The following CNOT4 variants were observed in gnomAD, a reference collection of about 807,000 sequenced individuals.
CNOT4 encodes the protein CCR4-NOT transcription complex subunit 4.
CNOT4 carries 8 observed loss-of-function variants against 73.8 expected under a neutral mutation model. That is an observed-to-expected ratio of 0.11 (90% CI 0.06 to 0.20). The LOEUF (loss-of-function observed/expected upper bound fraction) is 0.20. CNOT4 is among the 10% of genes least tolerant of loss of function. The pLI is 1.00. For missense variants in CNOT4, 564 were observed against 883.4 expected (o/e 0.64, Z 4.58); for synonymous variants, 293 against 321.1 (o/e 0.91, Z 0.94).
chr7:135,379,398 C>T (rs1795710064), intron 10 of CNOT4, among the ~76,000 whole-genome samples: 1 of 152,110 alleles, frequency 6.6e-6, no homozygotes, highest in African/African-American at 2.4e-5. Flanking sequence ...AGATATGTTA[C>T]ACTTGTCTGG....
At chr7:135,464,267 C>T (rs1186061845) in intron 1 of CNOT4, among the ~76,000 whole-genome samples, 1 of 152,110 alleles carries the variant, frequency 6.6e-6, no homozygotes, top group Admixed American at 6.5e-5. Flanking sequence ...TTCACAACAG[C>T]AAACACGTGG....
At chr7:135,414,295 TAAAAAA>T (rs567428044) in intron 5 of CNOT4, 30 bp downstream of exon 5, 1 of 568,226 alleles carries the variant, frequency 1.8e-6, no homozygotes, top group East Asian at 3.6e-5. Flanking sequence ...TCGTCTTCCT[TAAAAAA>T]AAAAAAAAGA....
intron 9 of CNOT4, 43 bp downstream of exon 9, chr7:135,395,591 G>A (rs776746960): frequency 2.0e-5 from 31 of 1,578,034 alleles, no homozygotes; most frequent in Admixed American, 8.8e-5. Flanking sequence ...TCAACAATAC[G>A]TTAAGAGCAT....
At chr7:135,375,943 G>C (rs1252341078) in intron 10 of CNOT4, among the ~76,000 whole-genome samples, 1 of 150,332 alleles carries the variant, frequency 6.7e-6, no homozygotes. Context: ...ATACAAAAGG[G>C]GTGTGTGTGT....
At chr7:135,376,124 AC>A (rs1356146561) in intron 10 of CNOT4, among the ~76,000 whole-genome samples, 1 of 152,200 alleles carries the variant, frequency 6.6e-6, no homozygotes, top group African/African-American at 2.4e-5. Flanking sequence ...CCAGAAAAGA[AC>A]CAAAAAATGA....
chr7:135,482,806 C>A (rs974254216), intron 1 of CNOT4, among the ~76,000 whole-genome samples: 2 of 151,524 alleles, frequency 1.3e-5, no homozygotes, highest in African/African-American at 4.8e-5. Context: ...CGTGGTGAAA[C>A]CCTGTCTCTA....
chr7:135,456,954 T>G (rs2129486140), intron 1 of CNOT4, among the ~76,000 whole-genome samples: 1 of 152,180 alleles, frequency 6.6e-6, no homozygotes, highest in Non-Finnish European at 1.5e-5. Context: ...TGATAAGATT[T>G]TGTACATAGA....
At chr7:135,375,959 T>C (rs777227526) in intron 10 of CNOT4, among the ~76,000 whole-genome samples, 3 of 151,346 alleles carry the variant, frequency 2.0e-5, no homozygotes, top group African/African-American at 4.9e-5. Flanking sequence ...TGTGTGTGTG[T>C]ATGTGTGTAC....
chr7:135,431,758 A>G (rs200974530), intron 2 of CNOT4, among the ~76,000 whole-genome samples: 1 of 118 alleles, frequency 8.5e-3, no homozygotes, highest in East Asian at 0.12. Context: ...AAAAAAAGAA[A>G]CATATCATGG....
intron 10 of CNOT4, among the ~76,000 whole-genome samples, chr7:135,389,687 GA>G (rs200091011): frequency 2.7e-5 from 4 of 150,496 alleles, no homozygotes; most frequent in African/African-American, 7.3e-5. Flanking sequence ...ACAAAAACAT[GA>G]AAAAAAAATC....
intron 10 of CNOT4, among the ~76,000 whole-genome samples, chr7:135,376,997 T>C (rs970458028): frequency 1.3e-5 from 2 of 152,222 alleles, no homozygotes; most frequent in African/African-American, 2.4e-5. Flanking sequence ...TGGAGATGGA[T>C]ATAGTTATGG....
At chr7:135,453,411 T>C (rs1800296988) in intron 1 of CNOT4, among the ~76,000 whole-genome samples, 1 of 152,102 alleles carries the variant, frequency 6.6e-6, no homozygotes, top group Admixed American at 6.6e-5. Flanking sequence ...CTACTAATCT[T>C]ATGCTCCTTG....
At chr7:135,426,856 G>C (rs980642784) in intron 2 of CNOT4, among the ~76,000 whole-genome samples, 5 of 151,352 alleles carry the variant, frequency 3.3e-5, no homozygotes, top group African/African-American at 4.9e-5. Flanking sequence ...CCGGGAGATG[G>C]AGGTTGCAGT....
At chr7:135,382,301 T>G (rs1213995154) in intron 10 of CNOT4, among the ~76,000 whole-genome samples, 1 of 152,050 alleles carries the variant, frequency 6.6e-6, no homozygotes, top group East Asian at 1.9e-4. Context: ...GACTAAGAAG[T>G]GGAAGGCTAG....
chr7:135,405,723 T>C (rs948771996), intron 7 of CNOT4, among the ~76,000 whole-genome samples: 6 of 152,178 alleles, frequency 3.9e-5, no homozygotes, highest in Admixed American at 3.9e-4. Context: ...GAGTAAAATA[T>C]ATTATAGAAA....
chr7:135,507,976 T>C (rs1804486226), intron 1 of CNOT4, among the ~76,000 whole-genome samples: 2 of 152,216 alleles, frequency 1.3e-5, no homozygotes, highest in Admixed American at 6.5e-5. Context: ...AAAAAAGTTT[T>C]ATAAACAGCT....
Position 135,382,704 on chromosome 7 carries a change from C to T in CNOT4, c.1627+11214G>A, listed in dbSNP as rs79113186. On this transcript the variant is annotated intron_variant, in intron 10 of 11. Coordinates refer to ENST00000541284, the MANE Select transcript of CNOT4 (RefSeq NM_001190850.2). ...TGTAATTTATTAAGCATGCAGTTTT[C>T]GTCAGTCTCTAAACAATATAACAAC... Among the ~76,000 whole-genome samples the T allele has an allele frequency of 2.2e-3, 340 of 152,142 alleles. 12 individuals are homozygous for T. The East Asian group carries it at 0.054, about 24-fold the overall frequency.
At chr7:135,506,676 C>T (rs917753987) in intron 1 of CNOT4, among the ~76,000 whole-genome samples, 5 of 151,786 alleles carry the variant, frequency 3.3e-5, no homozygotes, top group East Asian at 1.9e-4. Context: ...GGTGAAACCC[C>T]GTCTCCACTA....
chr7:135,413,886 A>G (rs576876813), intron 5 of CNOT4, among the ~76,000 whole-genome samples: 1 of 152,120 alleles, frequency 6.6e-6, no homozygotes, highest in Non-Finnish European at 1.5e-5. Context: ...GGAGATAGAC[A>G]AAAAAATCTG....
Sources: gnomAD v4.1 joint callset for allele counts (sites outside exome capture counted in the v4.1 genomes callset) on GRCh38, gnomAD v4.1.1 for gene constraint, MANE v1.5 for transcripts, NCBI Gene and HGNC (gene_info 2026-07-23, HGNC 2026-07-21) for gene names.